The following USP44 variants were observed in gnomAD, a reference collection of about 807,000 sequenced individuals.
USP44 encodes the protein ubiquitin carboxyl-terminal hydrolase 44.
USP44 carries 61 observed loss-of-function variants against 69.0 expected under a neutral mutation model. The ratio of observed to expected loss-of-function variants is 0.88; its 90% confidence interval spans 0.72 to 1.09. The LOEUF (loss-of-function observed/expected upper bound fraction) is 1.09. Ranked by LOEUF, USP44 falls within the 50% of genes least tolerant of loss-of-function variation. The probability of loss-of-function intolerance (pLI) is 0.00; values close to 1 mark genes in which losing one functional copy is unlikely to be tolerated. For synonymous variants in USP44, 297 were observed against 295.4 expected (o/e 1.01, Z -0.06); for missense variants, 753 against 849.9 (o/e 0.89, Z 1.42).
intron 1 of USP44, among the ~76,000 whole-genome samples, chr12:95,535,135 C>A (rs2077159111): frequency 6.6e-6 from 1 of 152,186 alleles, no homozygotes; most frequent in Non-Finnish European, 1.5e-5. Context: ...ACCTTTGCCA[C>A]ACACTGTTAA....
chr12:95,530,770 G>C (rs1189509127), intron 2 of USP44, among the ~76,000 whole-genome samples: 1 of 152,062 alleles, frequency 6.6e-6, no homozygotes, highest in Non-Finnish European at 1.5e-5. Flanking sequence ...CAACTTCTAA[G>C]ACTCTGTCAT....
At position 95,524,687 on chromosome 12, in the gene USP44, G is replaced by GT. The variant is rs757371940; in HGVS notation, c.1725dup (p.Arg576ThrfsTer8). 5.0e-6 allele frequency: 8 copies of GT among 1,609,014 alleles called. No homozygotes were observed. Among genetic ancestry groups the GT allele is most frequent in the Non-Finnish European group, 6.8e-6 (8 of 1,178,152 alleles). The stretch of plus-strand genomic sequence containing the variant: ...ACTGGTCCTACTACAGACCTGAATC[G>GT]TTTGAGGTGCAGTCTGAGAACCTGA... On this transcript the variant is annotated frameshift_variant, in exon 4 of 6. Transcript: ENST00000258499. LOFTEE classifies it high-confidence loss of function.
chr12:95,547,093 A>G (rs1004457375), intron 1 of USP44: 83 of 152,342 alleles, frequency 5.4e-4, no homozygotes, highest in African/African-American at 2.0e-3. Flanking sequence ...AAAGTGTACC[A>G]TTGTATATTA....
In USP44 at chr12:95,548,749, G is replaced by GCGCGCCCT. The variant is rs142984095; in HGVS notation, c.-71+2515_-71+2522dup. On this transcript the variant is annotated intron_variant, in intron 1 of 5. Coordinates refer to ENST00000258499, the MANE Select transcript of USP44 (RefSeq NM_032147.5). The surrounding 1 kb of genome is among the most constrained non-coding windows in gnomAD (Gnocchi z 4.1). ...CCTCACTCCGCCAATCGCCGCGGCC[G>GCGCGCCCT]CGCGCCCTCGCGCACACTCACCAGC... The GCGCGCCCT allele has an allele frequency of 0.16, 24,504 of 151,784 alleles. 2,179 individuals are homozygous for GCGCGCCCT. The highest frequency in any genetic ancestry group is 0.24 in the African/African-American group (10,019 of 41,348). 9.4% of individuals were successfully genotyped at this position (151,784 alleles called of 1,614,324 possible).
In USP44 at chr12:95,533,587, T is replaced by C. The variant is rs547845284; in HGVS notation, c.670A>G (p.Ile224Val). Residue 224 changes from isoleucine (I) to valine (V), a missense_variant, in exon 2 of 6, where the codon ATA becomes GTA. Physicochemically the swap from Ile to Val is conservative, Grantham distance 29 (BLOSUM62 3). Transcript: ENST00000258499. The stretch of plus-strand genomic sequence containing the variant: ...ACCTGAACAGAAACTATTTCTATTA[T>C]GGTCGACTGAGCGAGCCCTTGTAAA... ...LRLQGLAQST[I>V]IEIVSVQVPA... The C allele has an allele frequency of 5.0e-6, 8 of 1,613,692 alleles. No homozygotes were observed. Among genetic ancestry groups the C allele is most frequent in the East Asian group, 4.5e-5 (2 of 44,882 alleles).
intron 1 of USP44, among the ~76,000 whole-genome samples, chr12:95,534,627 C>T (rs780929914): frequency 1.3e-5 from 2 of 151,272 alleles, no homozygotes. Flanking sequence ...AGCTTAAGAT[C>T]TATCCTTTTT....
chr12:95,538,784 A>G (rs887860372), intron 1 of USP44, among the ~76,000 whole-genome samples: 8 of 152,214 alleles, frequency 5.3e-5, no homozygotes, highest in African/African-American at 1.9e-4. Flanking sequence ...GGTATCCCCA[A>G]AGGGGTCTCA....
chr12:95,543,279 T>C (rs2077452215), intron 1 of USP44, among the ~76,000 whole-genome samples: 1 of 150,360 alleles, frequency 6.7e-6, no homozygotes, highest in Non-Finnish European at 1.5e-5. Context: ...CACGCATCTG[T>C]AGTCCCAGCT....
At chr12:95,542,160 C>G (rs1183043181) in intron 1 of USP44, among the ~76,000 whole-genome samples, 1 of 152,278 alleles carries the variant, frequency 6.6e-6, no homozygotes, top group East Asian at 1.9e-4. Flanking sequence ...GGATTATAGG[C>G]ATGAGACACT....
At chr12:95,531,708 GA>G (rs1389535434) in intron 2 of USP44, among the ~76,000 whole-genome samples, 6 of 152,102 alleles carry the variant, frequency 3.9e-5, no homozygotes, top group African/African-American at 1.4e-4. Context: ...AACATTTTAG[GA>G]AAGTATGCTA....
chr12:95,550,994 T>G (rs553627916), intron 1 of USP44, among the ~76,000 whole-genome samples: 13 of 152,292 alleles, frequency 8.5e-5, no homozygotes, highest in African/African-American at 2.6e-4. Context: ...TATTACTACT[T>G]ATTCAACTTT....
At position 95,526,387 on chromosome 12, in the gene USP44, A is replaced by G. The variant is rs576962947; in HGVS notation, c.1625-1599T>C. On this transcript the variant is annotated intron_variant, in intron 3 of 5. Transcript: ENST00000258499. ...GGAGATCGAGACCATCCTGGCTAAC[A>G]CGGTGAAACCCTGTCTCTACTAAAA... is the stretch of plus-strand genomic sequence containing the variant. 3.3e-5 allele frequency among the ~76,000 whole-genome samples: 5 copies of G among 152,318 alleles called. No individual in the cohort carries two copies. In the East Asian group the frequency reaches 7.7e-4, roughly 23 times the overall value.
chr12:95,522,840 C>A (rs1367241772), intron 4 of USP44, among the ~76,000 whole-genome samples: 1 of 149,814 alleles, frequency 6.7e-6, no homozygotes, highest in Non-Finnish European at 1.5e-5. Flanking sequence ...TAGTGGCTGG[C>A]AACCCCTAGA....
Position 95,523,980 on chromosome 12 carries a change from G to A in USP44, c.1733+700C>T, listed in dbSNP as rs553419864. Among the ~76,000 whole-genome samples the A allele has an allele frequency of 2.0e-5, 3 of 152,160 alleles. No homozygotes were observed. The South Asian group carries it at 6.2e-4, about 32-fold the overall frequency. On this transcript the variant is annotated intron_variant, in intron 4 of 5. Transcript: ENST00000258499. ...CAACCTCTGCCTCCAGGGTTCAAGT[G>A]ATTCTCCTGTCTCAGCCTCCCAAGT...
chr12:95,541,615 C>T (rs1003091301), intron 1 of USP44, among the ~76,000 whole-genome samples: 1 of 151,954 alleles, frequency 6.6e-6, no homozygotes, highest in African/African-American at 2.4e-5. Context: ...GCTGATATTC[C>T]GTTTCATTTA....
chr12:95,517,473 A>G lies in USP44; in HGVS notation c.*681T>C, dbSNP rs1360130544. ...ACCTGTTTGCTGCCAGACAAAAATC[A>G]TAAATCCCAGCCATCATTTTTTTCA... On this transcript the variant is annotated 3_prime_UTR_variant, in exon 6 of 6. Coordinates refer to ENST00000258499, the MANE Select transcript of USP44 (RefSeq NM_032147.5). The G allele has an allele frequency of 6.9e-6, 1 of 145,134 alleles. No homozygotes were observed. Among genetic ancestry groups the G allele is most frequent in the African/African-American group, 2.6e-5 (1 of 38,074 alleles). 9.0% of individuals were successfully genotyped at this position (145,134 alleles called of 1,614,324 possible).
chr12:95,550,038 G>T (rs2077695021), intron 1 of USP44, among the ~76,000 whole-genome samples: 1 of 152,004 alleles, frequency 6.6e-6, no homozygotes. Flanking sequence ...AATTATCCGG[G>T]CCTGGTGGCG....
intron 1 of USP44, among the ~76,000 whole-genome samples, chr12:95,544,399 C>T (rs997654553): frequency 5.3e-5 from 8 of 152,088 alleles, no homozygotes; most frequent in Non-Finnish European, 1.2e-4. Flanking sequence ...GCCAGCCACT[C>T]TCTTTCAACC....
At chr12:95,526,477 C>A (rs555352360) in intron 3 of USP44, among the ~76,000 whole-genome samples, 13 of 152,066 alleles carry the variant, frequency 8.5e-5, no homozygotes, top group Non-Finnish European at 1.8e-4. Flanking sequence ...GAGGCTGAGG[C>A]AGGAGAATGG....
Sources: allele counts gnomAD v4.1 joint callset (sites outside exome capture counted in the v4.1 genomes callset), GRCh38; gene constraint gnomAD v4.1.1; non-coding constraint Gnocchi (gnomAD v3.1); transcripts MANE v1.5; gene names NCBI Gene and HGNC (gene_info 2026-07-23, HGNC 2026-07-21).